ITPA: variants seen among roughly 807,000 people sequenced by gnomAD.
ITPA encodes inosine triphosphate pyrophosphatase.
In ITPA, 29 loss-of-function variants were observed where a neutral mutation model predicts 29.6. The ratio of observed to expected loss-of-function variants is 0.98; its 90% confidence interval spans 0.73 to 1.34. The LOEUF is 1.34. ITPA is among the 40% of genes most tolerant of loss of function. The pLI is 0.00. For synonymous variants in ITPA, 103 were observed against 99.3 expected (o/e 1.04, Z -0.22); for missense variants, 241 against 251.5 (o/e 0.96, Z 0.28).
intron 5 of ITPA, among the ~76,000 whole-genome samples, chr20:3,217,939 A>G (rs1250179777): frequency 1.7e-5 from 2 of 118,994 alleles, no homozygotes; most frequent in Non-Finnish European, 3.6e-5. Flanking sequence ...CTTTCCTGAG[A>G]TGGAGTCTCG....
intron 5 of ITPA, among the ~76,000 whole-genome samples, chr20:3,216,772 G>A (rs1187882753): frequency 6.6e-6 from 1 of 151,476 alleles, no homozygotes; most frequent in Non-Finnish European, 1.5e-5. Flanking sequence ...ATTTTTAGTA[G>A]ACACGGAGTT....
At chr20:3,221,527 CA>C (rs1401320083) in intron 6 of ITPA, among the ~76,000 whole-genome samples, 1 of 152,140 alleles carries the variant, frequency 6.6e-6, no homozygotes, top group Non-Finnish European at 1.5e-5. Context: ...GTCTATCTTT[CA>C]AAGTAGCCTC....
In ITPA at chr20:3,215,323, C is replaced by T; in HGVS notation, c.295+11C>T. ...AGTTAAAGCCTGAAGGTATTATCTG[C>T]TTTGTTTCTTCCCTGGATCTGTTGG... On this transcript the variant is annotated intron_variant, in intron 5 of 7. Coordinates refer to ENST00000380113, the MANE Select transcript of ITPA (RefSeq NM_033453.4). The T allele has an allele frequency of 6.2e-7, 1 of 1,612,872 alleles. No individual in the cohort carries two copies. Among genetic ancestry groups the T allele is most frequent in the Non-Finnish European group, 8.5e-7 (1 of 1,178,874 alleles).
Position 3,213,967 on chromosome 20 carries a change from T to A in ITPA, c.190-18T>A. 1 of 1,613,968 alleles carries A rather than the reference T, an allele frequency of 6.2e-7. No individual in the cohort carries two copies. Among genetic ancestry groups the A allele is most frequent in the Non-Finnish European group, 8.5e-7 (1 of 1,179,844 alleles). On this transcript the variant is annotated intron_variant, in intron 3 of 7. Transcript: ENST00000380113. Reference sequence around the variant, plus strand: ...ATGGTGATCATGGGTCTCAGGGCTGTATGTCTTTGTGCTGCAGGTACAGGG... The same window carrying A: ...ATGGTGATCATGGGTCTCAGGGCTGAATGTCTTTGTGCTGCAGGTACAGGG...
rs576198639 is a variant in ITPA, at chr20:3,218,019, A to G, written c.296-498A>G. Among the ~76,000 whole-genome samples, 13 of 151,012 alleles carry G rather than the reference A, an allele frequency of 8.6e-5. 1 individual carries two copies. The highest frequency in any genetic ancestry group is 2.7e-4 in the African/African-American group (11 of 41,044). ...TGCAAGCTCCGCCTCCCTTGTTCAC[A>G]CCATTCTCCTGCCTCAGCCTCCCGA... On this transcript the variant is annotated intron_variant, in intron 5 of 7. Transcript: ENST00000380113.
At chr20:3,205,320 C>T (rs1453377953), upstream of ITPA, among the ~76,000 whole-genome samples, 2 of 144,040 alleles carry the variant, frequency 1.4e-5, no homozygotes, top group Non-Finnish European at 3.0e-5. Context: ...CACTGAATTT[C>T]TTTCTTTCTT....
upstream of ITPA, chr20:3,204,800 C>G (rs1331751217): frequency 3.3e-6 from 2 of 599,576 alleles, no homozygotes; most frequent in Non-Finnish European, 5.8e-6. Context: ...TGTAAAGAAA[C>G]CCACAATGTT....
chr20:3,222,932 C>G (rs1163565543), intron 7 of ITPA, among the ~76,000 whole-genome samples: 1 of 152,250 alleles, frequency 6.6e-6, no homozygotes, highest in South Asian at 2.1e-4. Flanking sequence ...ATGGGATTCT[C>G]ACCTCACTGC....
chr20:3,214,366 T>TC (rs1459924559), intron 4 of ITPA, among the ~76,000 whole-genome samples: 1 of 120,504 alleles, frequency 8.3e-6, no homozygotes, highest in Admixed American at 7.8e-5. Context: ...TTCCTTTCTT[T>TC]TTTTTTTTTT....
At chr20:3,218,694 C>G (rs1269478809) in intron 6 of ITPA, 62 bp downstream of exon 6, 2 of 1,296,074 alleles carry the variant, frequency 1.5e-6, no homozygotes, top group African/African-American at 2.9e-5. Context: ...CGACCCGAGC[C>G]GACCGCCCCG....
At chr20:3,212,739 T>C (rs1269309440) in intron 1 of ITPA, among the ~76,000 whole-genome samples, 4 of 152,216 alleles carry the variant, frequency 2.6e-5, no homozygotes, top group African/African-American at 9.6e-5. Flanking sequence ...GCTAGTAATA[T>C]TTTGGTTTGT....
chr20:3,213,117 C>G, intron 1 of ITPA, 52 bp from the exon 2 acceptor site: 2 of 1,546,000 alleles, frequency 1.3e-6, no homozygotes, highest in Non-Finnish European at 1.8e-6. Flanking sequence ...CTCACGTGCT[C>G]ACATGGAGAA....
At chr20:3,211,759 T>C (rs1167530549) in intron 1 of ITPA, among the ~76,000 whole-genome samples, 2 of 152,184 alleles carry the variant, frequency 1.3e-5, no homozygotes, top group Non-Finnish European at 2.9e-5. Flanking sequence ...TCCCGAAGTG[T>C]TAGATTACAT....
At chr20:3,225,213 AC>A (rs1187703794), downstream of ITPA, among the ~76,000 whole-genome samples, 2 of 152,134 alleles carry the variant, frequency 1.3e-5, no homozygotes, top group Admixed American at 6.6e-5. Flanking sequence ...ATTAAAAAAA[AC>A]ATGTGTATTT....
chr20:3,219,745 CCA>C (rs1568517479), intron 6 of ITPA, among the ~76,000 whole-genome samples: 1 of 97,042 alleles, frequency 1.0e-5, no homozygotes. Context: ...GACTCCGTCT[CCA>C]AAAAAAAAAA....
At chr20:3,227,125 G>A (rs1049138095), downstream of ITPA, among the ~76,000 whole-genome samples, 9 of 152,228 alleles carry the variant, frequency 5.9e-5, no homozygotes, top group South Asian at 4.1e-4. Flanking sequence ...CCGCCCCACT[G>A]CTCTTCACCA....
At chr20:3,218,303 C>A (rs906729724) in intron 5 of ITPA, among the ~76,000 whole-genome samples, 24 of 152,204 alleles carry the variant, frequency 1.6e-4, no homozygotes, top group Non-Finnish European at 3.1e-4. Flanking sequence ...AGCCTTGTAT[C>A]GTCAGCCTGT....
At position 3,223,847 on chromosome 20, in the gene ITPA, A is replaced by G. The variant is rs112815120; in HGVS notation, c.*385A>G. 1.3e-5 allele frequency: 3 copies of G among 237,010 alleles called. No individual in the cohort carries two copies. Among genetic ancestry groups the G allele is most frequent in the Admixed American group, 1.1e-4 (2 of 17,556 alleles). The allele number at this position is 237,010 out of a possible 1,614,324, so 14.7% of individuals were successfully genotyped here. On this transcript the variant is annotated 3_prime_UTR_variant, in exon 8 of 8. Transcript: ENST00000380113. ...GACTTGTTTCCAAAATAAACCAGCT[A>G]TATCTGTTTTGAACCCTGCCCCAGG...
chr20:3,210,349 A>G (rs1016747123), intron 1 of ITPA, among the ~76,000 whole-genome samples: 1 of 152,150 alleles, frequency 6.6e-6, no homozygotes, highest in Non-Finnish European at 1.5e-5. Flanking sequence ...TCCTGTTCAT[A>G]TCTTTCCCCT....
Sources: gnomAD v4.1 joint callset for allele counts (sites outside exome capture counted in the v4.1 genomes callset) on GRCh38, gnomAD v4.1.1 for gene constraint, MANE v1.5 for transcripts, NCBI Gene and HGNC (gene_info 2026-07-23, HGNC 2026-07-21) for gene names.